LDLRAD4: variants seen among roughly 807,000 people sequenced by gnomAD.
The protein encoded by LDLRAD4 is low-density lipoprotein receptor class A domain-containing protein 4.
In LDLRAD4, 5 loss-of-function variants were observed where a neutral mutation model predicts 17.0. That is an observed-to-expected ratio of 0.29 (90% CI 0.15 to 0.62). The LOEUF is 0.62. LDLRAD4 is among the 20% of genes least tolerant of loss of function. The pLI is 0.84. For synonymous variants in LDLRAD4, 168 were observed against 171.8 expected (o/e 0.98, Z 0.17); for missense variants, 340 against 424.7 (o/e 0.80, Z 1.75).
exon 6 of LDLRAD4, chr18:13,646,063 A>G (rs2043005177): frequency 6.3e-6 from 1 of 157,824 alleles, no homozygotes; most frequent in African/African-American, 2.4e-5. Flanking sequence ...AAGCATTATT[A>G]TATATTATTG....
intron 3 of LDLRAD4, among the ~76,000 whole-genome samples, chr18:13,485,692 G>A (rs1309515873): frequency 6.6e-6 from 1 of 152,218 alleles, no homozygotes; most frequent in Non-Finnish European, 1.5e-5. Flanking sequence ...ATGTCACATA[G>A]TGCCATCTGT....
At chr18:13,376,411 A>C (rs1425432053) in intron 1 of LDLRAD4, among the ~76,000 whole-genome samples, 1 of 152,218 alleles carries the variant, frequency 6.6e-6, no homozygotes, top group African/African-American at 2.4e-5. Context: ...CCCCATGAAC[A>C]GCGGCGTCAG....
chr18:13,601,119 A>G (rs2095155966), intron 3 of LDLRAD4, among the ~76,000 whole-genome samples: 1 of 152,174 alleles, frequency 6.6e-6, no homozygotes, highest in Non-Finnish European at 1.5e-5. Flanking sequence ...CATCTCCATT[A>G]TCTCTGGTTA....
intron 1 of LDLRAD4, among the ~76,000 whole-genome samples, chr18:13,254,626 C>A (rs1015341068): frequency 6.6e-6 from 1 of 152,180 alleles, no homozygotes; most frequent in Non-Finnish European, 1.5e-5. Flanking sequence ...TACAGTGAGC[C>A]TCAAGAAACA....
intron 3 of LDLRAD4, among the ~76,000 whole-genome samples, chr18:13,448,030 G>A (rs919131931): frequency 6.6e-6 from 1 of 152,140 alleles, no homozygotes; most frequent in Non-Finnish European, 1.5e-5. Flanking sequence ...GAAAAGGCCC[G>A]CTGTTACTGA....
At chr18:13,547,714 T>C (rs1432525256) in intron 3 of LDLRAD4, among the ~76,000 whole-genome samples, 1 of 152,188 alleles carries the variant, frequency 6.6e-6, no homozygotes, top group Non-Finnish European at 1.5e-5. Context: ...CCGGGGAAGA[T>C]GGTGGTGCCC....
intron 3 of LDLRAD4, among the ~76,000 whole-genome samples, chr18:13,608,391 A>G (rs1241883042): frequency 6.6e-6 from 1 of 151,906 alleles, no homozygotes; most frequent in Non-Finnish European, 1.5e-5. Context: ...TGGGGGTGAG[A>G]GCTGGGGCTG....
At chr18:13,249,847 C>T (rs2043146263) in intron 1 of LDLRAD4, among the ~76,000 whole-genome samples, 1 of 152,056 alleles carries the variant, frequency 6.6e-6, no homozygotes, top group South Asian at 2.1e-4. Context: ...GAAGCATTTC[C>T]CTGTGTTTTC....
chr18:13,385,633 C>T (rs536305974), intron 1 of LDLRAD4, among the ~76,000 whole-genome samples: 33 of 152,254 alleles, frequency 2.2e-4, no homozygotes, highest in African/African-American at 7.9e-4. Flanking sequence ...AAAGCATCAT[C>T]GAAAAGGGCA....
intron 4 of LDLRAD4, among the ~76,000 whole-genome samples, chr18:13,640,417 G>GA (rs1217222476): frequency 1.3e-5 from 2 of 152,110 alleles, no homozygotes; most frequent in Non-Finnish European, 2.9e-5. Flanking sequence ...AGCCAGGCAG[G>GA]AAAAGTTCCC....
chr18:13,462,394 C>T (rs1472348441), intron 3 of LDLRAD4, among the ~76,000 whole-genome samples: 1 of 152,084 alleles, frequency 6.6e-6, no homozygotes, highest in Non-Finnish European at 1.5e-5. Context: ...GCCAGGGATG[C>T]ATCCAGGTGT....
chr18:13,516,854 C>T (rs2093874930), intron 3 of LDLRAD4, among the ~76,000 whole-genome samples: 1 of 151,994 alleles, frequency 6.6e-6, no homozygotes, highest in South Asian at 2.1e-4. Flanking sequence ...TCATTTTGTT[C>T]CTTTATTTAT....
At chr18:13,221,578 A>G (rs1276707795) in intron 1 of LDLRAD4, among the ~76,000 whole-genome samples, 3 of 152,172 alleles carry the variant, frequency 2.0e-5, no homozygotes, top group Non-Finnish European at 4.4e-5. Flanking sequence ...TGTTTGCTTC[A>G]TTGTTAGGCA....
intron 3 of LDLRAD4, among the ~76,000 whole-genome samples, chr18:13,532,186 C>T (rs190362259): frequency 1.2e-4 from 19 of 152,296 alleles, no homozygotes; most frequent in Admixed American, 1.1e-3. Flanking sequence ...GGATGCACCC[C>T]GCCGTGCATG....
intron 1 of LDLRAD4, among the ~76,000 whole-genome samples, chr18:13,331,578 G>A (rs1001327565): frequency 1.3e-5 from 2 of 152,166 alleles, no homozygotes; most frequent in African/African-American, 4.8e-5. Flanking sequence ...TTTGCATCTG[G>A]TGTTTATTAA....
intron 1 of LDLRAD4, among the ~76,000 whole-genome samples, chr18:13,307,537 C>T (rs1264011452): frequency 1.3e-5 from 2 of 152,122 alleles, no homozygotes; most frequent in East Asian, 3.9e-4. Context: ...CCACCTCAAC[C>T]TCCCAGGTAG....
intron 3 of LDLRAD4, among the ~76,000 whole-genome samples, chr18:13,601,046 C>T (rs952618119): frequency 4.6e-5 from 7 of 152,174 alleles, no homozygotes; most frequent in Non-Finnish European, 8.8e-5. Context: ...CACCTGTTCT[C>T]CTAACCCTTT....
At chr18:13,472,457 A>T (rs1242857402) in intron 3 of LDLRAD4, 2 of 152,240 alleles carry the variant, frequency 1.3e-5, no homozygotes, top group Non-Finnish European at 2.9e-5. Flanking sequence ...TGCAAAACAC[A>T]TTAGAATACA....
chr18:13,638,529 C>G (rs955608820), intron 4 of LDLRAD4, among the ~76,000 whole-genome samples: 1 of 152,222 alleles, frequency 6.6e-6, no homozygotes, highest in Non-Finnish European at 1.5e-5. Flanking sequence ...CAAGAGGCCT[C>G]TGAAAGCTGC....
Sources: allele counts gnomAD v4.1 joint callset (sites outside exome capture counted in the v4.1 genomes callset), GRCh38; gene constraint gnomAD v4.1.1; transcripts MANE v1.5; gene names NCBI Gene and HGNC (gene_info 2026-07-23, HGNC 2026-07-21).